SAMD5: variants seen among roughly 807,000 people sequenced by gnomAD.
The protein encoded by SAMD5 is sterile alpha motif domain-containing protein 5.
Under a neutral mutation model 11.3 loss-of-function variants are expected in SAMD5, and 13 were observed. The observed-to-expected ratio is 1.15, with a 90% CI of 0.75 to 1.83. The LOEUF is 1.83. SAMD5 is among the 40% of genes most tolerant of loss of function. SAMD5 has a pLI of 0.00. For synonymous variants in SAMD5, 129 were observed against 111.3 expected, an observed-to-expected ratio of 1.16 and a Z score of -1.00; for missense variants, 255 against 239.1, an observed-to-expected ratio of 1.07 and a Z score of -0.44.
At chr6:147,722,557 G>A (rs1791570845) in intron 1 of SAMD5, among the ~76,000 whole-genome samples, 1 of 152,060 alleles carries the variant, frequency 6.6e-6, no homozygotes, top group African/African-American at 2.4e-5. Context: ...AGAAATGATT[G>A]TTCATTTCCC....
intron 1 of SAMD5, among the ~76,000 whole-genome samples, chr6:147,661,851 G>T (rs1356373869): frequency 6.6e-6 from 1 of 152,046 alleles, no homozygotes; most frequent in African/African-American, 2.4e-5. Flanking sequence ...GGCTGGTCTC[G>T]AACTCTTGAC....
the SAMD5 span, among the ~76,000 whole-genome samples, chr6:147,751,750 T>A: frequency 6.6e-6 from 1 of 152,200 alleles, no homozygotes; most frequent in East Asian, 1.9e-4. Context: ...GAGTTTCTGC[T>A]GGTGAGACGC....
chr6:147,536,780 T>G (rs1448887067), intron 1 of SAMD5, among the ~76,000 whole-genome samples: 1 of 152,044 alleles, frequency 6.6e-6, no homozygotes, highest in Non-Finnish European at 1.5e-5. Flanking sequence ...ATTACAGAAT[T>G]TTTCTATAAT....
intron 1 of SAMD5, among the ~76,000 whole-genome samples, chr6:147,627,703 A>G (rs1422694260): frequency 6.6e-6 from 1 of 152,182 alleles, no homozygotes; most frequent in Non-Finnish European, 1.5e-5. Flanking sequence ...TGCCCAGTCT[A>G]GATTTTTGCA....
chr6:147,613,512 C>T (rs930611192), intron 1 of SAMD5, among the ~76,000 whole-genome samples: 1 of 151,672 alleles, frequency 6.6e-6, no homozygotes, highest in African/African-American at 2.4e-5. Context: ...TTTTCTTCCC[C>T]TGATATCCTG....
At chr6:147,943,134 C>T in the SAMD5 span, among the ~76,000 whole-genome samples, 2 of 152,142 alleles carry the variant, frequency 1.3e-5, no homozygotes, top group Non-Finnish European at 1.5e-5. Context: ...TCTATTGCTT[C>T]ATCTTGCCTG....
At chr6:147,768,526 A>C in the SAMD5 span, among the ~76,000 whole-genome samples, 3 of 151,956 alleles carry the variant, frequency 2.0e-5, no homozygotes, top group South Asian at 2.1e-4. Context: ...ACAACAACAA[A>C]AAAACAGAAA....
At chr6:147,727,319 C>A (rs1018204143) in intron 1 of SAMD5, among the ~76,000 whole-genome samples, 1 of 152,186 alleles carries the variant, frequency 6.6e-6, no homozygotes, top group African/African-American at 2.4e-5. Flanking sequence ...GTTTCCTCCT[C>A]CAAGGAGTCT....
At chr6:147,640,388 T>C (rs1219680579) in intron 1 of SAMD5, among the ~76,000 whole-genome samples, 1 of 146,354 alleles carries the variant, frequency 6.8e-6, no homozygotes, top group East Asian at 2.1e-4. Flanking sequence ...TCCCAGCTAC[T>C]CCGGAGGCTG....
chr6:147,689,970 G>A (rs544218453), intron 1 of SAMD5, among the ~76,000 whole-genome samples: 11 of 152,226 alleles, frequency 7.2e-5, no homozygotes, highest in African/African-American at 1.7e-4. Context: ...TTTCCTTGAC[G>A]GTTAATAGTT....
intron 1 of SAMD5, among the ~76,000 whole-genome samples, chr6:147,619,412 A>G (rs1253361604): frequency 6.6e-6 from 1 of 152,224 alleles, no homozygotes; most frequent in Non-Finnish European, 1.5e-5. Context: ...CCGAGTTTGT[A>G]TAAGATCCAT....
At position 147,706,248 on chromosome 6, in the gene SAMD5, G is replaced by A. The variant is rs569736946; in HGVS notation, c.163-31069G>A. 4.6e-5 allele frequency among the ~76,000 whole-genome samples: 7 copies of A among 152,226 alleles called. No individual in the cohort carries two copies. In the East Asian group the frequency reaches 1.2e-3, roughly 25 times the overall value. On this transcript the variant is annotated intron_variant, in intron 1 of 1. Coordinates refer to the SAMD5 transcript ENST00000566741. ...TTGTTTTTGTTTTTTTCGAGACGGAGTCTTACTTTGTTACCCAGGCTGGAG... is the reference window on the plus strand; with the variant it reads ...TTGTTTTTGTTTTTTTCGAGACGGAATCTTACTTTGTTACCCAGGCTGGAG...
chr6:147,953,287 AT>A, the SAMD5 span: 2 of 150,144 alleles, frequency 1.3e-5, no homozygotes, highest in Non-Finnish European at 3.0e-5. Context: ...AATTTCTCTC[AT>A]TTTGGTTTTT....
At chr6:147,527,102 G>T (rs1202130404) in intron 1 of SAMD5, among the ~76,000 whole-genome samples, 1 of 152,158 alleles carries the variant, frequency 6.6e-6, no homozygotes, top group African/African-American at 2.4e-5. Context: ...TTGCTACATT[G>T]CTTCAGTGAT....
chr6:147,571,465 A>G (rs1789137439), downstream of SAMD5, among the ~76,000 whole-genome samples: 1 of 152,014 alleles, frequency 6.6e-6, no homozygotes, highest in African/African-American at 2.4e-5. Flanking sequence ...TAAATGAAAA[A>G]CTTACTCTAC....
chr6:147,654,987 A>T (rs1790544921), intron 1 of SAMD5, among the ~76,000 whole-genome samples: 1 of 152,142 alleles, frequency 6.6e-6, no homozygotes, highest in South Asian at 2.1e-4. Flanking sequence ...ATGAGTGATG[A>T]TTCACCACAT....
At chr6:147,876,239 G>A in the SAMD5 span, among the ~76,000 whole-genome samples, 1 of 152,202 alleles carries the variant, frequency 6.6e-6, no homozygotes, top group Admixed American at 6.5e-5. Context: ...CTGGTTCTGA[G>A]AGAGAAGAAG....
chr6:147,712,112 G>C (rs185877089), intron 1 of SAMD5, among the ~76,000 whole-genome samples: 1 of 152,178 alleles, frequency 6.6e-6, no homozygotes, highest in East Asian at 1.9e-4. Flanking sequence ...ATAATATTTT[G>C]TGGCCTTTAT....
At chr6:147,843,506 A>G in the SAMD5 span, among the ~76,000 whole-genome samples, 1 of 152,200 alleles carries the variant, frequency 6.6e-6, no homozygotes, top group African/African-American at 2.4e-5. Context: ...AAAAATTTAT[A>G]TAGAACCACA....
Sources: allele counts gnomAD v4.1 joint callset (sites outside exome capture counted in the v4.1 genomes callset), GRCh38; gene constraint gnomAD v4.1.1; transcripts MANE v1.5; gene names NCBI Gene and HGNC (gene_info 2026-07-23, HGNC 2026-07-21).